C11orf91: variants seen among roughly 807,000 people sequenced by gnomAD.
C11orf91 encodes the protein chromosome 11 open reading frame 91.
In C11orf91, 10 loss-of-function variants were observed where a neutral mutation model predicts 14.3. The observed-to-expected ratio is 0.70, with a 90% CI of 0.43 to 1.18. The LOEUF is 1.18. Among genes scored for constraint, C11orf91 ranks in the 50% most tolerant of loss-of-function variants. The pLI is 0.00. For missense variants in C11orf91, 236 were observed against 269.0 expected, an observed-to-expected ratio of 0.88 and a Z score of 0.86; for synonymous variants, 141 against 130.6, an observed-to-expected ratio of 1.08 and a Z score of -0.54.
chr11:33,699,429 T>C (rs1853083856), intron 1 of C11orf91: 1 of 411,370 alleles, frequency 2.4e-6, no homozygotes, highest in Middle Eastern at 3.5e-4. Flanking sequence ...AGGACAAGCC[T>C]TAGCCAAAAC....
At position 33,698,473 on chromosome 11, in the gene C11orf91, G is replaced by A; in HGVS notation, c.538C>T (p.Leu180=). The change falls in exon 2 of 2, where the codon CTG becomes TTG. Residue 180 remains leucine, a synonymous_variant. Coordinates refer to ENST00000379011, the MANE Select transcript of C11orf91 (RefSeq NM_001166692.2). Reference sequence around the variant, plus strand: ...TTCTTTCCAGGTTGCTTGGTCTTCAGTCCTTGTAACTTTTCGTCTTTTAGC... The same window carrying A: ...TTCTTTCCAGGTTGCTTGGTCTTCAATCCTTGTAACTTTTCGTCTTTTAGC... ...KALKDEKLQG[L]KTKQPGKKSA... 1 of 1,537,586 alleles carries A rather than the reference G, an allele frequency of 6.5e-7. No homozygotes were observed. The highest frequency in any genetic ancestry group is 8.7e-7 in the Non-Finnish European group (1 of 1,146,940).
At chr11:33,701,086 AGGCAGC>A (rs1853119210), upstream of C11orf91, among the ~76,000 whole-genome samples, 1 of 152,216 alleles carries the variant, frequency 6.6e-6, no homozygotes, top group African/African-American at 2.4e-5. Context: ...CATCCAGAAC[AGGCAGC>A]GGGCCAGGGC....
At chr11:33,698,760 T>C (rs1046276921) in intron 1 of C11orf91, among the ~76,000 whole-genome samples, 6 of 150,078 alleles carry the variant, frequency 4.0e-5, no homozygotes, top group Non-Finnish European at 7.4e-5. Flanking sequence ...AGTCCTGGAT[T>C]TCTTCTTCTT....
At position 33,700,549 on chromosome 11, in the gene C11orf91, G is replaced by T; in HGVS notation, c.192C>A (p.Ser64=). The change falls in exon 1 of 2, where the codon TCC becomes TCA. Residue 64 remains serine, a synonymous_variant. Transcript: ENST00000379011. The part of the protein sequence containing the change: ...APVGGAAGAR[S]LSQALPAPAP... ...CCGGGGCGGGGAGCGCCTGGGACAG[G>T]GACCGGGCCCCCGCCGCCCCGCCCA... 1 of 1,430,688 alleles carries T rather than the reference G, an allele frequency of 7.0e-7. No individual in the cohort carries two copies. The highest frequency in any genetic ancestry group is 9.1e-7 in the Non-Finnish European group (1 of 1,095,666). The allele number at this position is 1,430,688 out of a possible 1,614,324, so 88.6% of individuals were successfully genotyped here. A position where few individuals can be genotyped will look rare whatever the true frequency, so the allele number is the denominator to read the frequency against.
chr11:33,704,882 C>G (rs763210153), upstream of C11orf91: 3 of 152,554 alleles, frequency 2.0e-5, no homozygotes, highest in Non-Finnish European at 4.4e-5. Context: ...TTCTGGGAAG[C>G]CCAGAACAGT....
rs1026832756 is a variant in C11orf91 at position 33,700,443 on chromosome 11, AGGCCAGGCCGGAG to A, written c.285_297del (p.Ser96ProfsTer70). 4 of 1,391,236 alleles carry A rather than the reference AGGCCAGGCCGGAG, an allele frequency of 2.9e-6. No individual in the cohort carries two copies. The highest frequency in any genetic ancestry group is 3.8e-6 in the Non-Finnish European group (4 of 1,064,316). 86.2% of individuals were successfully genotyped at this position (1,391,236 alleles called of 1,614,324 possible). On this transcript the variant is annotated frameshift_variant, in exon 1 of 2. Transcript: ENST00000379011. LOFTEE classifies it high-confidence loss of function. ...AAGCGCAGAGGCTCGTAGGGGATGG[AGGCCAGGCCGGAG>A]GGCCAGGGCGAGGGCCAGGGGCGCT...
At chr11:33,701,017 C>T (rs1354401141), upstream of C11orf91, among the ~76,000 whole-genome samples, 1 of 152,244 alleles carries the variant, frequency 6.6e-6, no homozygotes, top group Non-Finnish European at 1.5e-5. Context: ...ACTCCGCCCA[C>T]CGCCTCGCTC....
At chr11:33,698,691 G>C (rs539836305) in intron 1 of C11orf91, among the ~76,000 whole-genome samples, 177 bp from the exon 2 acceptor site, 53 of 151,806 alleles carry the variant, frequency 3.5e-4, no homozygotes, top group African/African-American at 1.3e-3. Flanking sequence ...ACATGTAACT[G>C]GTTCTGACTG....
At chr11:33,705,434 A>C (rs7046), upstream of C11orf91, 1 of 152,110 alleles carries the variant, frequency 6.6e-6, no homozygotes, top group Non-Finnish European at 1.5e-5. Context: ...TATGGCCACT[A>C]TGGTGGTAGA....
Position 33,700,513 on chromosome 11 carries a change from G to C in C11orf91, c.228C>G (p.Pro76=). The part of the protein sequence containing the change: ...SQALPAPAPP[P]PPPPGLGPSS... ...AGGGACCCAGGCCGGGTGGTGGCGGGGGCGGGGGCGCCGGGGCGGGGAGCG... is the reference window on the plus strand; with the variant it reads ...AGGGACCCAGGCCGGGTGGTGGCGGCGGCGGGGGCGCCGGGGCGGGGAGCG... Residue 76 remains proline, a synonymous_variant, in exon 1 of 2, where the codon CCC becomes CCG. Coordinates refer to ENST00000379011, the MANE Select transcript of C11orf91 (RefSeq NM_001166692.2). The C allele has an allele frequency of 7.4e-7, 1 of 1,344,772 alleles. No individual in the cohort carries two copies. Among genetic ancestry groups the C allele is most frequent in the Non-Finnish European group, 9.4e-7 (1 of 1,058,436 alleles). 83.3% of individuals were successfully genotyped at this position (1,344,772 alleles called of 1,614,324 possible). A position where few individuals can be genotyped will look rare whatever the true frequency, so the allele number is the denominator to read the frequency against.
At position 33,698,523 on chromosome 11, in the gene C11orf91, G is replaced by A. The variant is rs779265881; in HGVS notation, c.497-9C>T. On this transcript the variant is annotated splice_polypyrimidine_tract_variant and intron_variant, in intron 1 of 1. Coordinates refer to ENST00000379011, the MANE Select transcript of C11orf91 (RefSeq NM_001166692.2). ...CGCCTTCAGGAATGTGTCTGCAGGA[G>A]AGCAAAACAAACTTAGCCGTAATAG... 15 of 1,533,298 alleles carry A rather than the reference G, an allele frequency of 9.8e-6. No homozygotes were observed. The highest frequency in any genetic ancestry group is 1.2e-5 in the South Asian group (1 of 83,986). The allele number at this position is 1,533,298 out of a possible 1,614,324, so 95.0% of individuals were successfully genotyped here. A position where few individuals can be genotyped will look rare whatever the true frequency, so the allele number is the denominator to read the frequency against.
upstream of C11orf91, among the ~76,000 whole-genome samples, chr11:33,702,334 G>C (rs1030190384): frequency 6.6e-5 from 10 of 152,106 alleles, no homozygotes; most frequent in African/African-American, 2.4e-4. Flanking sequence ...CATTTGCCTG[G>C]AGCCACTCAG....
upstream of C11orf91, among the ~76,000 whole-genome samples, chr11:33,702,517 T>C (rs969990090): frequency 3.3e-5 from 5 of 152,278 alleles, no homozygotes; most frequent in East Asian, 9.6e-4. Flanking sequence ...CCCCCACATA[T>C]TTAACTTCCC....
chr11:33,698,927 T>C (rs831613), intron 1 of C11orf91, among the ~76,000 whole-genome samples: 148,355 of 151,848 alleles, frequency 0.98, 72,497 homozygotes, highest in East Asian at 1. Context: ...ATTACAAATG[T>C]GTGCCACCAA....
chr11:33,702,589 G>A (rs188677921), upstream of C11orf91: 147 of 160,002 alleles, frequency 9.2e-4, no homozygotes, highest in African/African-American at 3.4e-3. Context: ...TTCTACAATC[G>A]CCCATTGTTA....
At chr11:33,699,756 G>A in intron 1 of C11orf91, 1 of 396,220 alleles carries the variant, frequency 2.5e-6, no homozygotes, top group Non-Finnish European at 5.1e-6. Flanking sequence ...AAACGGCCTT[G>A]GGCCTTGTGG....
At position 33,698,466 on chromosome 11, in the gene C11orf91, G is replaced by C. The variant is rs1853062479; in HGVS notation, c.545C>G (p.Thr182Ser). The C allele has an allele frequency of 6.5e-7, 1 of 1,537,456 alleles. No homozygotes were observed. The highest frequency in any genetic ancestry group is 8.7e-7 in the Non-Finnish European group (1 of 1,146,962). Residue 182 changes from threonine (T) to serine (S), a missense_variant, in exon 2 of 2, where the codon ACC (threonine) becomes AGC (serine). By Grantham distance (58) the Thr-to-Ser change is moderately conservative (BLOSUM62 1). Transcript: ENST00000379011. ...GGCCGACTTCTTTCCAGGTTGCTTG[G>C]TCTTCAGTCCTTGTAACTTTTCGTC... is the stretch of plus-strand genomic sequence containing the variant. ...LKDEKLQGLK[T>S]KQPGKKSASL...
chr11:33,698,274 GT>G lies in C11orf91; in HGVS notation c.*154del, dbSNP rs1853059056. 4 of 610,062 alleles carry G rather than the reference GT, an allele frequency of 6.6e-6. No individual in the cohort carries two copies. In the South Asian group the frequency reaches 7.7e-5, roughly 12 times the overall value. The allele number at this position is 610,062 out of a possible 1,614,324, so 37.8% of individuals were successfully genotyped here. A position where few individuals can be genotyped will look rare whatever the true frequency, so the allele number is the denominator to read the frequency against. On this transcript the variant is annotated 3_prime_UTR_variant, in exon 2 of 2. Transcript: ENST00000379011. The stretch of plus-strand genomic sequence containing the variant: ...GAGACCATGAGATTTACCACACAAA[GT>G]GGGCACTGTATGTGAAGTACATGCT...
chr11:33,700,870 C>T, upstream of C11orf91: 1 of 907,822 alleles, frequency 1.1e-6, no homozygotes, highest in Non-Finnish European at 1.4e-6. Context: ...TTCGCCTCAG[C>T]CCGGCCCCTA....
Sources: allele counts gnomAD v4.1 joint callset (sites outside exome capture counted in the v4.1 genomes callset), GRCh38; gene constraint gnomAD v4.1.1; transcripts MANE v1.5; gene names NCBI Gene and HGNC (gene_info 2026-07-23, HGNC 2026-07-21).